CDH18: variants seen among roughly 807,000 people sequenced by gnomAD.
CDH18 encodes cadherin 18.
Under a neutral mutation model 67.9 loss-of-function variants are expected in CDH18, and 31 were observed. The observed-to-expected ratio is 0.46, with a 90% CI of 0.34 to 0.62. CDH18 has a LOEUF of 0.62. CDH18 is among the 20% of genes least tolerant of loss of function. The pLI is 0.01. For synonymous variants in CDH18, 362 were observed against 347.2 expected (o/e 1.04, Z -0.48); for missense variants, 890 against 975.5 (o/e 0.91, Z 1.17).
intron 1 of CDH18, among the ~76,000 whole-genome samples, chr5:20,549,119 T>A (rs1392195254): frequency 6.6e-6 from 1 of 152,136 alleles, no homozygotes; most frequent in Non-Finnish European, 1.5e-5. Context: ...AAGAAACAGT[T>A]TATGTAAAAT....
intron 5 of CDH18, among the ~76,000 whole-genome samples, chr5:19,638,449 G>T (rs1266385282): frequency 6.6e-6 from 1 of 152,152 alleles, no homozygotes; most frequent in Non-Finnish European, 1.5e-5. Context: ...TATGTGGAAA[G>T]AAATTCCACC....
At chr5:19,643,919 C>T (rs930812593) in intron 5 of CDH18, among the ~76,000 whole-genome samples, 2 of 152,106 alleles carry the variant, frequency 1.3e-5, no homozygotes, top group South Asian at 4.1e-4. Context: ...ACAATGTATA[C>T]ATACATCAAA....
chr5:20,007,895 T>TTATA (rs1473090563), intron 2 of CDH18, among the ~76,000 whole-genome samples: 1 of 152,060 alleles, frequency 6.6e-6, no homozygotes, highest in African/African-American at 2.4e-5. Context: ...GCCCACTTGA[T>TTATA]TATAGTCTGC....
At position 20,095,452 on chromosome 5, in the gene CDH18, GA is replaced by G. The variant is rs1236974220; in HGVS notation, c.-517-103439del. On this transcript the variant is annotated intron_variant, in intron 2 of 14. Coordinates refer to the CDH18 transcript ENST00000507958. ...GAAAGAAAGAAAGAAAGAAAAGAAA[GA>G]AAGAAAGAAGAAAGAAGGAAGGAAG... Among the ~76,000 whole-genome samples, 99 of 111,398 alleles carry G rather than the reference GA, an allele frequency of 8.9e-4. 1 individual carries two copies. The highest frequency in any genetic ancestry group is 3.1e-3 in the African/African-American group (93 of 29,676). 73.1% of individuals were successfully genotyped at this position (111,398 alleles called of 152,430 possible).
chr5:19,908,261 C>G (rs1177020287), intron 2 of CDH18, among the ~76,000 whole-genome samples: 1 of 151,994 alleles, frequency 6.6e-6, no homozygotes, highest in Non-Finnish European at 1.5e-5. Context: ...TGTTTCAAAG[C>G]AAGAGAATTT....
chr5:20,359,713 C>T (rs530661835), intron 1 of CDH18, among the ~76,000 whole-genome samples: 27 of 152,260 alleles, frequency 1.8e-4, no homozygotes, highest in Admixed American at 1.2e-3. Flanking sequence ...ACCACTAATT[C>T]TCCACCAGTT....
At chr5:20,045,655 G>A (rs946758386) in intron 2 of CDH18, among the ~76,000 whole-genome samples, 2 of 151,984 alleles carry the variant, frequency 1.3e-5, no homozygotes, top group Non-Finnish European at 2.9e-5. Context: ...AGGAAATAGA[G>A]AGTGGCAGAG....
chr5:19,998,414 A>T (rs1434079819), intron 2 of CDH18, among the ~76,000 whole-genome samples: 1 of 152,188 alleles, frequency 6.6e-6, no homozygotes, highest in Non-Finnish European at 1.5e-5. Context: ...GAGCATTTGT[A>T]TCGTCAGGGA....
upstream of CDH18, among the ~76,000 whole-genome samples, chr5:19,991,692 A>G (rs899711401): frequency 1.3e-5 from 2 of 152,066 alleles, no homozygotes; most frequent in African/African-American, 4.8e-5. Flanking sequence ...TCATTCTGTC[A>G]TCTCTCTTCA....
intron 3 of CDH18, among the ~76,000 whole-genome samples, chr5:19,782,350 A>G (rs1775216251): frequency 6.6e-6 from 1 of 152,076 alleles, no homozygotes; most frequent in Non-Finnish European, 1.5e-5. Flanking sequence ...TGATTCAACT[A>G]CCTCCACCTG....
At chr5:20,015,216 T>A (rs1056336365) in intron 2 of CDH18, among the ~76,000 whole-genome samples, 1 of 152,082 alleles carries the variant, frequency 6.6e-6, no homozygotes, top group African/African-American at 2.4e-5. Context: ...GGCTAGATAC[T>A]CTGGGTCAAG....
chr5:19,819,528 C>A (rs946460609), intron 3 of CDH18, among the ~76,000 whole-genome samples: 6 of 152,148 alleles, frequency 3.9e-5, no homozygotes, highest in Middle Eastern at 3.2e-3. Context: ...GAATGGCTCC[C>A]AGTTCTGACC....
At position 20,483,261 on chromosome 5, in the gene CDH18, A is replaced by G. The variant is rs369767089; in HGVS notation, c.-580+92201T>C. Among the ~76,000 whole-genome samples, 168 of 152,208 alleles carry G rather than the reference A, an allele frequency of 1.1e-3. 3 individuals are homozygous for G. The South Asian group carries it at 0.033, about 29-fold the overall frequency. On this transcript the variant is annotated intron_variant, in intron 1 of 14. Transcript: ENST00000507958. ...AAACTACAAAACATTGATGCCAGAA[A>G]TTGAAGAGGACACCAAAAAAGAAAA...
At chr5:20,406,127 T>C (rs1235786583) in intron 1 of CDH18, among the ~76,000 whole-genome samples, 1 of 152,172 alleles carries the variant, frequency 6.6e-6, no homozygotes, top group African/African-American at 2.4e-5. Context: ...TAAAGACACA[T>C]GCACACATAT....
chr5:20,110,141 G>C (rs1747333498), intron 2 of CDH18, among the ~76,000 whole-genome samples: 1 of 152,166 alleles, frequency 6.6e-6, no homozygotes, highest in Non-Finnish European at 1.5e-5. Flanking sequence ...CAGGTCTGAA[G>C]CTGAGAACTG....
At chr5:19,499,607 AT>A (rs1228584032) in intron 11 of CDH18, among the ~76,000 whole-genome samples, 20 of 151,748 alleles carry the variant, frequency 1.3e-4, no homozygotes, top group Non-Finnish European at 2.5e-4. Context: ...TGTCTAACCA[AT>A]TTTTTTATCT....
chr5:20,264,229 C>T (rs975668321), intron 1 of CDH18, among the ~76,000 whole-genome samples: 1 of 151,966 alleles, frequency 6.6e-6, no homozygotes, highest in African/African-American at 2.4e-5. Flanking sequence ...CTCTATGAAA[C>T]AGCGAATTTT....
chr5:19,532,530 G>A (rs1748795763), intron 9 of CDH18, among the ~76,000 whole-genome samples: 1 of 152,124 alleles, frequency 6.6e-6, no homozygotes, highest in African/African-American at 2.4e-5. Flanking sequence ...CATTCATTAT[G>A]AGTGTCATAT....
chr5:19,909,620 A>G (rs1790912801), intron 2 of CDH18, among the ~76,000 whole-genome samples: 1 of 152,014 alleles, frequency 6.6e-6, no homozygotes, highest in African/African-American at 2.4e-5. Context: ...CTTTTGGTGA[A>G]TGCTTTTATT....
Sources: gnomAD v4.1 joint callset for allele counts (sites outside exome capture counted in the v4.1 genomes callset) on GRCh38, gnomAD v4.1.1 for gene constraint, MANE v1.5 for transcripts, NCBI Gene and HGNC (gene_info 2026-07-23, HGNC 2026-07-21) for gene names.